Variants in TCF12 observed in about 807,000 individuals in gnomAD.
TCF12 encodes DNA-binding protein HTF4.
TCF12 carries 45 observed loss-of-function variants against 86.0 expected under a neutral mutation model. The ratio of observed to expected loss-of-function variants is 0.52; its 90% confidence interval spans 0.41 to 0.67. TCF12 has a LOEUF of 0.67. TCF12 is among the 30% of genes least tolerant of loss of function. TCF12 has a pLI of 0.00. For synonymous variants in TCF12, 330 were observed against 299.6 expected (o/e 1.10, Z -1.05); for missense variants, 881 against 859.9 (o/e 1.02, Z -0.31).
intron 18 of TCF12, among the ~76,000 whole-genome samples, chr15:57,265,452 G>A (rs1342325852): frequency 6.6e-6 from 1 of 152,094 alleles, no homozygotes; most frequent in African/African-American, 2.4e-5. Context: ...TTTCTACCTT[G>A]CTCCCTGAGC....
intron 3 of TCF12, among the ~76,000 whole-genome samples, chr15:57,044,687 T>A (rs1428132615): frequency 6.6e-6 from 1 of 152,094 alleles, no homozygotes; most frequent in African/African-American, 2.4e-5. Flanking sequence ...CATGCTGACT[T>A]TAGTCATGTG....
intron 3 of TCF12, among the ~76,000 whole-genome samples, chr15:57,056,529 G>C (rs2068043365): frequency 6.6e-6 from 1 of 152,150 alleles, no homozygotes; most frequent in Non-Finnish European, 1.5e-5. Flanking sequence ...TGCAATCTCA[G>C]TTCACTGCAC....
chr15:57,280,593 G>T (rs1257348974), intron 19 of TCF12, among the ~76,000 whole-genome samples: 2 of 152,204 alleles, frequency 1.3e-5, no homozygotes, highest in East Asian at 3.9e-4. Flanking sequence ...AGGGGAATCC[G>T]GCACAGTGGC....
chr15:56,990,072 T>C (rs1278785410), intron 3 of TCF12, among the ~76,000 whole-genome samples: 1 of 151,960 alleles, frequency 6.6e-6, no homozygotes. Context: ...TATTAATACC[T>C]TAAAATGTAT....
intron 3 of TCF12, among the ~76,000 whole-genome samples, chr15:57,062,007 A>G (rs1177588668): frequency 6.6e-6 from 1 of 151,706 alleles, no homozygotes; most frequent in Non-Finnish European, 1.5e-5. Flanking sequence ...CCCAGGCTGG[A>G]GTGCAGTGGC....
intron 4 of TCF12, among the ~76,000 whole-genome samples, chr15:57,071,805 A>T (rs190445073): frequency 8.7e-4 from 132 of 152,268 alleles, no homozygotes; most frequent in African/African-American, 3.1e-3. Flanking sequence ...ATAGAGGAGG[A>T]AGTGTTTGAG....
At chr15:57,134,105 A>T (rs1242607031) in intron 5 of TCF12, among the ~76,000 whole-genome samples, 2 of 152,182 alleles carry the variant, frequency 1.3e-5, no homozygotes, top group Non-Finnish European at 2.9e-5. Context: ...ATTATTTATT[A>T]GGTTCTTTTT....
intron 6 of TCF12, among the ~76,000 whole-genome samples, chr15:57,169,396 G>T (rs1436337568): frequency 1.3e-5 from 2 of 152,118 alleles, no homozygotes; most frequent in Non-Finnish European, 2.9e-5. Flanking sequence ...TGTCAGTTGA[G>T]GGGGGTAAGA....
Position 57,111,650 on chromosome 15 carries a change from G to T in TCF12, c.325+19759G>T, listed in dbSNP as rs191365977. On this transcript the variant is annotated intron_variant, in intron 5 of 20. Transcript: ENST00000333725. ...TCTGTCTCCCAGGCTACAGTGTAGT[G>T]GCTCAGTCTCAGCTCACTGCAACCT... 2.5e-3 allele frequency among the ~76,000 whole-genome samples: 370 copies of T among 147,614 alleles called. 6 individuals carry two copies. Among genetic ancestry groups the T allele is most frequent in the Admixed American group, 0.023 (332 of 14,700 alleles).
chr15:57,164,355 T>C (rs1370221010), intron 5 of TCF12, among the ~76,000 whole-genome samples: 1 of 152,154 alleles, frequency 6.6e-6, no homozygotes, highest in African/African-American at 2.4e-5. Flanking sequence ...TTTAATTGAC[T>C]CACAGTTCAA....
At chr15:56,977,688 A>G (rs1267324238) in intron 3 of TCF12, among the ~76,000 whole-genome samples, 2 of 152,144 alleles carry the variant, frequency 1.3e-5, no homozygotes, top group South Asian at 2.1e-4. Context: ...TGAAGTTTGT[A>G]AAATTCAACA....
intron 3 of TCF12, among the ~76,000 whole-genome samples, chr15:56,957,089 T>C (rs1389945922): frequency 6.6e-6 from 1 of 152,236 alleles, no homozygotes; most frequent in African/African-American, 2.4e-5. Flanking sequence ...TTTGCCTTTC[T>C]GTGTTATGAT....
At chr15:57,016,233 C>G (rs28760390) in intron 3 of TCF12, among the ~76,000 whole-genome samples, 2,084 of 152,242 alleles carry the variant, frequency 0.014, 59 homozygotes, top group African/African-American at 0.044. Context: ...AGTCACTAGC[C>G]AGAATTGTTA....
chr15:57,185,425 G>A (rs2056610149), intron 6 of TCF12, among the ~76,000 whole-genome samples: 1 of 152,086 alleles, frequency 6.6e-6, no homozygotes, highest in Non-Finnish European at 1.5e-5. Flanking sequence ...CATTTAAGAA[G>A]AAGCAAGCAC....
intron 12 of TCF12, among the ~76,000 whole-genome samples, chr15:57,235,788 T>C (rs1227174465): frequency 6.6e-6 from 1 of 152,164 alleles, no homozygotes; most frequent in Non-Finnish European, 1.5e-5. Flanking sequence ...GGGCTTTTTT[T>C]CTCAAAGGTC....
In TCF12 at chr15:57,123,995, TTC is replaced by T. The variant is rs1368899000; in HGVS notation, c.325+32105_325+32106del. ...AAAAAAAAAAAAATTTTTTTTTTTT[TTC>T]CATAGGGACACAGTCTCACATTGCC... On this transcript the variant is annotated intron_variant, in intron 5 of 20. Transcript: ENST00000333725. Among the ~76,000 whole-genome samples, 104 of 95,278 alleles carry T rather than the reference TTC, an allele frequency of 1.1e-3. 1 individual carries two copies. The highest frequency in any genetic ancestry group is 2.3e-3 in the East Asian group (8 of 3,466). The allele number at this position is 95,278 out of a possible 152,430, so 62.5% of individuals were successfully genotyped here. A position where few individuals can be genotyped will look rare whatever the true frequency, so the allele number is the denominator to read the frequency against.
At chr15:57,116,833 AGTATTTT>A (rs1337400431) in intron 5 of TCF12, among the ~76,000 whole-genome samples, 11 of 152,212 alleles carry the variant, frequency 7.2e-5, no homozygotes, top group Admixed American at 6.5e-4. Flanking sequence ...CTGAGAAGGA[AGTATTTT>A]GGTTAATTGC....
rs1357104179 is a variant in TCF12 at position 57,131,802 on chromosome 15, A to G, written c.326-34600A>G. Among the ~76,000 whole-genome samples, 3 of 152,236 alleles carry G rather than the reference A, an allele frequency of 2.0e-5. No homozygotes were observed. In the East Asian group the frequency reaches 5.8e-4, roughly 29 times the overall value. On this transcript the variant is annotated intron_variant, in intron 5 of 20. Coordinates refer to ENST00000333725, the MANE Select transcript of TCF12 (RefSeq NM_207037.2). ...AGATTAATAAATTGAACTCATTGTTATAATTTCATCTGATAAAGGCTAAAC... is the reference window on the plus strand; with the variant it reads ...AGATTAATAAATTGAACTCATTGTTGTAATTTCATCTGATAAAGGCTAAAC...
intron 3 of TCF12, among the ~76,000 whole-genome samples, chr15:56,987,615 T>C (rs2063259272): frequency 6.6e-6 from 1 of 152,252 alleles, no homozygotes; most frequent in Non-Finnish European, 1.5e-5. Context: ...TTTACAGTTT[T>C]GGTGCATGTC....
Sources: allele counts gnomAD v4.1 joint callset (sites outside exome capture counted in the v4.1 genomes callset), GRCh38; gene constraint gnomAD v4.1.1; transcripts MANE v1.5; gene names NCBI Gene and HGNC (gene_info 2026-07-23, HGNC 2026-07-21).